Variants in DPP6 observed in about 807,000 individuals in gnomAD.
DPP6 encodes the protein A-type potassium channel modulatory protein DPP6.
In DPP6, 69 loss-of-function variants were observed where a neutral mutation model predicts 122.6. The observed-to-expected ratio is 0.56, with a 90% CI of 0.46 to 0.69. DPP6 has a LOEUF of 0.69. Ranked by LOEUF, DPP6 falls within the 30% of genes least tolerant of loss-of-function variation. The pLI is 0.00. For synonymous variants in DPP6, 418 were observed against 433.1 expected, an observed-to-expected ratio of 0.97 and a Z score of 0.43; for missense variants, 928 against 1,116.9, an observed-to-expected ratio of 0.83 and a Z score of 2.41.
chr7:153,899,542 A>G (rs752461134), intron 1 of DPP6, among the ~76,000 whole-genome samples: 1 of 152,164 alleles, frequency 6.6e-6, no homozygotes, highest in Non-Finnish European at 1.5e-5. Flanking sequence ...CTGTTTTTAT[A>G]TGTGGACTTA....
At chr7:154,371,542 A>T (rs1812677615) in intron 1 of DPP6, among the ~76,000 whole-genome samples, 1 of 152,050 alleles carries the variant, frequency 6.6e-6, no homozygotes, top group Admixed American at 6.6e-5. Flanking sequence ...AGAAAGTGGG[A>T]GTGGTTGATA....
the DPP6 span, among the ~76,000 whole-genome samples, chr7:153,774,279 A>G: frequency 1.3e-5 from 2 of 152,174 alleles, no homozygotes; most frequent in Admixed American, 1.3e-4. Flanking sequence ...GTGACTCCTC[A>G]TATCAGAGTT....
At chr7:154,009,894 T>G (rs1199762074) in intron 1 of DPP6, among the ~76,000 whole-genome samples, 2 of 151,832 alleles carry the variant, frequency 1.3e-5, no homozygotes, top group African/African-American at 4.9e-5. Context: ...AGTGACAACT[T>G]TATAATTAGG....
intron 1 of DPP6, among the ~76,000 whole-genome samples, chr7:153,912,281 T>G (rs1800123938): frequency 6.6e-6 from 1 of 152,074 alleles, no homozygotes; most frequent in South Asian, 2.1e-4. Flanking sequence ...ATATACACAC[T>G]CAAATAAAAC....
chr7:154,007,942 G>C (rs1481128364), intron 1 of DPP6, among the ~76,000 whole-genome samples: 2 of 152,310 alleles, frequency 1.3e-5, no homozygotes, highest in African/African-American at 4.8e-5. Context: ...GGCCTGAACT[G>C]AGGCATACCA....
At chr7:154,247,243 G>C (rs1296481531) in intron 1 of DPP6, among the ~76,000 whole-genome samples, 1 of 152,144 alleles carries the variant, frequency 6.6e-6, no homozygotes, top group Admixed American at 6.5e-5. Flanking sequence ...AACCTGGGAG[G>C]TGGAGGTTGC....
chr7:154,606,026 A>G (rs1466206516), intron 5 of DPP6, among the ~76,000 whole-genome samples: 1 of 120,976 alleles, frequency 8.3e-6, no homozygotes, highest in African/African-American at 2.6e-5. Flanking sequence ...TTAATTTATT[A>G]CAATACAATC....
At chr7:153,906,698 C>T (rs763312745) in intron 1 of DPP6, among the ~76,000 whole-genome samples, 4 of 152,196 alleles carry the variant, frequency 2.6e-5, no homozygotes, top group African/African-American at 7.2e-5. Flanking sequence ...GCAATCCACC[C>T]GCTTCAGGCA....
chr7:154,458,424 T>C (rs936131232), intron 2 of DPP6, among the ~76,000 whole-genome samples: 37 of 152,166 alleles, frequency 2.4e-4, no homozygotes, highest in African/African-American at 8.0e-4. Flanking sequence ...TTAAACCTCT[T>C]TTTCTTTATA....
At chr7:154,297,253 C>T (rs1445395690) in intron 1 of DPP6, among the ~76,000 whole-genome samples, 1 of 152,098 alleles carries the variant, frequency 6.6e-6, no homozygotes, top group Non-Finnish European at 1.5e-5. Context: ...AAGTATTTTA[C>T]ACTTTACGGC....
At chr7:154,167,797 A>C (rs1437735053) in intron 1 of DPP6, among the ~76,000 whole-genome samples, 3 of 152,162 alleles carry the variant, frequency 2.0e-5, no homozygotes, top group Non-Finnish European at 4.4e-5. Context: ...TGACTTTATA[A>C]TTTTGCTAAA....
At chr7:153,911,020 G>A (rs909419602) in intron 1 of DPP6, among the ~76,000 whole-genome samples, 16 of 152,262 alleles carry the variant, frequency 1.1e-4, no homozygotes, top group African/African-American at 3.6e-4. Flanking sequence ...CAGAGTGATC[G>A]TTTTAGACAC....
intron 6 of DPP6, among the ~76,000 whole-genome samples, chr7:154,650,675 G>A (rs1051639402): frequency 1.3e-5 from 2 of 152,162 alleles, no homozygotes; most frequent in East Asian, 1.9e-4. Context: ...AGCGTTACCA[G>A]GATGTCAGAC....
chr7:153,907,440 G>T (rs1799897593), intron 1 of DPP6, among the ~76,000 whole-genome samples: 1 of 152,226 alleles, frequency 6.6e-6, no homozygotes, highest in South Asian at 2.1e-4. Context: ...TATTGGTAAA[G>T]GGAATTTGAA....
chr7:154,264,346 T>C (rs957539756), intron 1 of DPP6, among the ~76,000 whole-genome samples: 2 of 152,196 alleles, frequency 1.3e-5, no homozygotes, highest in African/African-American at 4.8e-5. Flanking sequence ...CTCCGAGTTC[T>C]TTGTAGTAGA....
the DPP6 span, among the ~76,000 whole-genome samples, chr7:153,795,504 G>C: frequency 6.6e-6 from 1 of 152,044 alleles, no homozygotes; most frequent in Non-Finnish European, 1.5e-5. Flanking sequence ...TCTCTGCTTA[G>C]TTTGGTTAGA....
chr7:154,463,215 T>C (rs376243345), intron 2 of DPP6, among the ~76,000 whole-genome samples: 18,781 of 132,898 alleles, frequency 0.14, 1,950 homozygotes, highest in South Asian at 0.27. Flanking sequence ...TTTTTTTTTT[T>C]TTTTTTTTTT....
chr7:154,482,624 T>G (rs796699402), intron 3 of DPP6, among the ~76,000 whole-genome samples: 50 of 152,366 alleles, frequency 3.3e-4, no homozygotes, highest in African/African-American at 1.1e-3. Context: ...AAAATATTCA[T>G]AACCTATACA....
the DPP6 span, among the ~76,000 whole-genome samples, chr7:153,844,711 T>C: frequency 6.6e-6 from 1 of 152,240 alleles, no homozygotes; most frequent in African/African-American, 2.4e-5. Context: ...ATTGGAAGAC[T>C]CTTATGATAG....
Sources: allele counts gnomAD v4.1 joint callset (sites outside exome capture counted in the v4.1 genomes callset), GRCh38; gene constraint gnomAD v4.1.1; transcripts MANE v1.5; gene names NCBI Gene and HGNC (gene_info 2026-07-23, HGNC 2026-07-21).